The following MBP variants were observed in gnomAD, a reference collection of about 807,000 sequenced individuals.
MBP encodes Golli-MBP.
MBP carries 16 observed loss-of-function variants against 35.8 expected under a neutral mutation model. The observed-to-expected ratio is 0.45, with a 90% CI of 0.30 to 0.68. The LOEUF is 0.68. Among genes scored for constraint, MBP ranks in the 30% least tolerant of loss-of-function variants. The pLI is 0.08. For missense variants in MBP, 380 were observed against 404.7 expected (o/e 0.94, Z 0.52); for synonymous variants, 143 against 159.6 (o/e 0.90, Z 0.78).
At chr18:77,132,148 C>A (rs1362566343) in intron 1 of MBP, among the ~76,000 whole-genome samples, 2 of 152,186 alleles carry the variant, frequency 1.3e-5, no homozygotes, top group Admixed American at 6.5e-5. Flanking sequence ...CCCTCCCACC[C>A]TAGACTCCTC....
At chr18:77,097,901 C>A (rs1043807870) in intron 2 of MBP, among the ~76,000 whole-genome samples, 1 of 139,820 alleles carries the variant, frequency 7.2e-6, no homozygotes, top group African/African-American at 2.4e-5. Flanking sequence ...TGCCCCAAAT[C>A]AAATCTTTTT....
At chr18:77,057,616 C>G (rs1973774737) in intron 3 of MBP, among the ~76,000 whole-genome samples, 1 of 152,176 alleles carries the variant, frequency 6.6e-6, no homozygotes, top group Non-Finnish European at 1.5e-5. Flanking sequence ...TGGAATTTTA[C>G]ATCGGAAATG....
intron 2 of MBP, among the ~76,000 whole-genome samples, chr18:77,092,844 C>CT (rs1975592153): frequency 6.6e-6 from 1 of 152,226 alleles, no homozygotes; most frequent in African/African-American, 2.4e-5. Flanking sequence ...CCGTTACAGT[C>CT]TGTGACGATG....
intron 1 of MBP, chr18:77,112,940 G>T (rs1346807773): frequency 6.6e-6 from 1 of 152,164 alleles, no homozygotes; most frequent in Non-Finnish European, 1.5e-5. Flanking sequence ...AGAGAAAGGA[G>T]AGGGATTTTT....
chr18:76,986,606 C>G, intron 7 of MBP: 2 of 985,578 alleles, frequency 2.0e-6, no homozygotes, highest in Non-Finnish European at 2.4e-6. Flanking sequence ...GGATGTGTGG[C>G]AAGAAGGTCT....
chr18:77,035,821 ACT>A (rs1972743825), intron 3 of MBP, among the ~76,000 whole-genome samples: 1 of 152,128 alleles, frequency 6.6e-6, no homozygotes, highest in South Asian at 2.1e-4. Context: ...GCCAGGAAAG[ACT>A]CTCCTGCAAA....
intron 1 of MBP, among the ~76,000 whole-genome samples, chr18:77,124,132 G>C (rs1022888606): frequency 6.6e-6 from 1 of 152,200 alleles, no homozygotes; most frequent in Non-Finnish European, 1.5e-5. Flanking sequence ...AACACCAGCA[G>C]TCCCCTGAAC....
chr18:77,046,159 G>A (rs1973248471), intron 3 of MBP, among the ~76,000 whole-genome samples: 1 of 152,214 alleles, frequency 6.6e-6, no homozygotes, highest in Non-Finnish European at 1.5e-5. Context: ...CTGTTAAAAT[G>A]TTGCATAGTT....
intron 3 of MBP, among the ~76,000 whole-genome samples, chr18:77,054,143 G>A (rs114706875): frequency 0.013 from 1,999 of 152,358 alleles, 44 homozygotes; most frequent in African/African-American, 0.046. Flanking sequence ...CTATGTGGAA[G>A]CCACAGGACT....
chr18:77,084,701 G>A (rs1975152278), intron 2 of MBP, among the ~76,000 whole-genome samples: 1 of 152,130 alleles, frequency 6.6e-6, no homozygotes, highest in South Asian at 2.1e-4. Context: ...GTTTTTTAGA[G>A]TCTTTCTGTT....
At chr18:77,039,973 G>A (rs1234680593) in intron 3 of MBP, among the ~76,000 whole-genome samples, 1 of 152,186 alleles carries the variant, frequency 6.6e-6, no homozygotes, top group African/African-American at 2.4e-5. Context: ...GACTGCGCAT[G>A]CACTTGGTTT....
chr18:77,090,279 T>C (rs1975449429), intron 2 of MBP, among the ~76,000 whole-genome samples: 1 of 152,204 alleles, frequency 6.6e-6, no homozygotes, highest in East Asian at 1.9e-4. Context: ...TAAACGTTAC[T>C]AAATTAAAAT....
Position 77,029,239 on chromosome 18 carries a change from G to T in MBP, c.140-11971C>A, listed in dbSNP as rs538546002. 8.2e-3 allele frequency among the ~76,000 whole-genome samples: 1,151 copies of T among 140,756 alleles called. 23 individuals carry two copies. The highest frequency in any genetic ancestry group is 7.3e-3 in the Middle Eastern group (2 of 274). The allele number at this position is 140,756 out of a possible 152,430, so 92.3% of individuals were successfully genotyped here. On this transcript the variant is annotated intron_variant, in intron 3 of 8. Transcript: ENST00000355994. ...GCCCGGCCAACACAGCGAAACCCCG[G>T]CTCCACCAAAAAAATACGAAAACCA...
intron 4 of MBP, among the ~76,000 whole-genome samples, chr18:76,995,156 A>T (rs8090438): frequency 0.39 from 59,991 of 152,140 alleles, 12,124 homozygotes; most frequent in Non-Finnish European, 0.43. Flanking sequence ...AGAACTTTAA[A>T]GCTAACACTA....
chr18:76,980,558 G>C, intron 8 of MBP, 87 bp from the exon 9 acceptor site: 2 of 1,025,442 alleles, frequency 2.0e-6, no homozygotes, highest in South Asian at 2.6e-5. Flanking sequence ...CCGGGTGGAT[G>C]CTGAGCCATT....
intron 4 of MBP, among the ~76,000 whole-genome samples, chr18:76,994,375 G>C (rs1970151517): frequency 6.6e-6 from 1 of 152,168 alleles, no homozygotes. Flanking sequence ...CTAGAAAAAT[G>C]ACTTAAACTT....
chr18:76,995,746 C>T (rs1012545426), intron 4 of MBP, among the ~76,000 whole-genome samples: 8 of 152,030 alleles, frequency 5.3e-5, no homozygotes, highest in Non-Finnish European at 1.2e-4. Flanking sequence ...TAGAAGCAGC[C>T]ATAGGAGAAA....
chr18:77,039,000 ATTT>A (rs1189433495), intron 3 of MBP, among the ~76,000 whole-genome samples: 3 of 152,176 alleles, frequency 2.0e-5, no homozygotes, highest in African/African-American at 7.2e-5. Flanking sequence ...AGGTGAGAAT[ATTT>A]TTTTACCTTC....
At position 77,078,431 on chromosome 18, in the gene MBP, C is replaced by G. The variant is rs140857250; in HGVS notation, c.52-12046G>C. Among the ~76,000 whole-genome samples, 131 of 152,318 alleles carry G rather than the reference C, an allele frequency of 8.6e-4. No homozygotes were observed. In the East Asian group the frequency reaches 0.023, roughly 26 times the overall value. On this transcript the variant is annotated intron_variant, in intron 2 of 8. Transcript: ENST00000355994. ...TCTGAAGCTGCTCTTCAGCCCTTCC[C>G]GTAAGTCCTCCTGTGACAACTTCTG... is the stretch of plus-strand genomic sequence containing the variant.
Sources: allele counts gnomAD v4.1 joint callset (sites outside exome capture counted in the v4.1 genomes callset), GRCh38; gene constraint gnomAD v4.1.1; transcripts MANE v1.5; gene names NCBI Gene and HGNC (gene_info 2026-07-23, HGNC 2026-07-21).